MYO1D: variants seen among roughly 807,000 people sequenced by gnomAD.
The protein encoded by MYO1D is myosin ID.
A neutral mutation model predicts 122.0 loss-of-function variants in MYO1D; 83 were observed. That is an observed-to-expected ratio of 0.68 (90% CI 0.57 to 0.82). The LOEUF is 0.82. MYO1D is among the 40% of genes least tolerant of loss of function. MYO1D has a pLI of 0.00. For synonymous variants in MYO1D, 464 were observed against 446.9 expected, an observed-to-expected ratio of 1.04 and a Z score of -0.48; for missense variants, 1,157 against 1,269.5, an observed-to-expected ratio of 0.91 and a Z score of 1.35.
chr17:32,785,976 A>C (rs543737031), intron 1 of MYO1D, among the ~76,000 whole-genome samples: 1 of 152,312 alleles, frequency 6.6e-6, no homozygotes, highest in Admixed American at 6.5e-5. Flanking sequence ...AAAACTAGCC[A>C]CAACTCTGAA....
At chr17:32,537,257 A>C (rs550528872) in intron 21 of MYO1D, among the ~76,000 whole-genome samples, 5 of 152,314 alleles carry the variant, frequency 3.3e-5, no homozygotes, top group African/African-American at 1.2e-4. Flanking sequence ...TTATTCTTCT[A>C]TATCAGGGGC....
At chr17:32,833,772 C>A (rs559183274) in intron 1 of MYO1D, among the ~76,000 whole-genome samples, 1 of 152,276 alleles carries the variant, frequency 6.6e-6, no homozygotes, top group Admixed American at 6.5e-5. Flanking sequence ...CAGGTCTCTG[C>A]ATCTGCTGTT....
intron 1 of MYO1D, among the ~76,000 whole-genome samples, chr17:32,868,137 G>A (rs1262713919): frequency 6.6e-6 from 1 of 152,164 alleles, no homozygotes; most frequent in Non-Finnish European, 1.5e-5. Context: ...TGCATAGGGT[G>A]ATAGTTACAG....
chr17:32,806,195 T>C (rs2090510837), intron 1 of MYO1D, among the ~76,000 whole-genome samples: 1 of 151,930 alleles, frequency 6.6e-6, no homozygotes, highest in South Asian at 2.1e-4. Context: ...GAGGCGGAGG[T>C]TGCAGTGAGC....
At chr17:32,778,762 T>C (rs914067017) in intron 2 of MYO1D, among the ~76,000 whole-genome samples, 189 bp from the exon 3 acceptor site, 1 of 152,208 alleles carries the variant, frequency 6.6e-6, no homozygotes, top group Non-Finnish European at 1.5e-5. Flanking sequence ...CTAACAGACC[T>C]GAATATGATG....
chr17:32,587,741 A>G (rs560132268), intron 21 of MYO1D, among the ~76,000 whole-genome samples: 11 of 152,184 alleles, frequency 7.2e-5, no homozygotes, highest in African/African-American at 2.6e-4. Flanking sequence ...TTGGTCCCCT[A>G]GTCTTCCCCT....
intron 1 of MYO1D, among the ~76,000 whole-genome samples, chr17:32,861,047 T>C (rs547438414): frequency 6.6e-6 from 1 of 151,924 alleles, no homozygotes; most frequent in Admixed American, 6.6e-5. Flanking sequence ...GGATCACGTC[T>C]GGGCTGTATT....
At chr17:32,754,318 A>G (rs889465537) in intron 11 of MYO1D, among the ~76,000 whole-genome samples, 1 of 152,230 alleles carries the variant, frequency 6.6e-6, no homozygotes, top group African/African-American at 2.4e-5. Flanking sequence ...CTGGAAGATG[A>G]GAAGCACTTA....
At chr17:32,705,267 CT>C (rs898019651) in intron 16 of MYO1D, among the ~76,000 whole-genome samples, 278 of 148,984 alleles carry the variant, frequency 1.9e-3, no homozygotes, top group African/African-American at 6.5e-3. Context: ...ATCTGTAATT[CT>C]TTTTTTTTTG....
At chr17:32,631,558 G>A (rs1265785731) in intron 20 of MYO1D, among the ~76,000 whole-genome samples, 3 of 151,984 alleles carry the variant, frequency 2.0e-5, no homozygotes, top group African/African-American at 7.3e-5. Context: ...GAGGAGACAG[G>A]AATGCTTGAT....
At chr17:32,565,421 C>G (rs150702547) in intron 21 of MYO1D, among the ~76,000 whole-genome samples, 239 of 152,336 alleles carry the variant, frequency 1.6e-3, no homozygotes, top group African/African-American at 5.2e-3. Flanking sequence ...CTCCATCCCC[C>G]TAAAACCTCA....
rs556050632 is a variant in MYO1D at position 32,854,656 on chromosome 17, C to A, written c.95+22122G>T. On this transcript the variant is annotated intron_variant, in intron 1 of 21. Transcript: ENST00000318217. ...ACACAGACCAACTGGGCCAGGTTAACACAGTAAAAACATTTATGGAAGTAA... is the reference window on the plus strand; with the variant it reads ...ACACAGACCAACTGGGCCAGGTTAAAACAGTAAAAACATTTATGGAAGTAA... 2.0e-5 allele frequency among the ~76,000 whole-genome samples: 3 copies of A among 152,296 alleles called. 1 individual carries two copies. The South Asian group carries it at 6.2e-4, about 32-fold the overall frequency.
At chr17:32,833,138 C>T (rs1021681757) in intron 1 of MYO1D, among the ~76,000 whole-genome samples, 6 of 152,150 alleles carry the variant, frequency 3.9e-5, no homozygotes, top group African/African-American at 9.7e-5. Flanking sequence ...CCACTTCAAA[C>T]GTAGCATGTT....
At chr17:32,844,349 ATG>A (rs957814383) in intron 1 of MYO1D, among the ~76,000 whole-genome samples, 12 of 146,674 alleles carry the variant, frequency 8.2e-5, no homozygotes, top group Admixed American at 6.9e-4. Context: ...TATATATTAT[ATG>A]TGTATATATA....
intron 1 of MYO1D, among the ~76,000 whole-genome samples, chr17:32,810,984 GA>G (rs1162413105): frequency 1.2e-4 from 19 of 152,214 alleles, no homozygotes; most frequent in African/African-American, 3.6e-4. Context: ...AACCTTGGCA[GA>G]CAGACAGCAA....
In MYO1D at chr17:32,841,347, TC is replaced by T. The variant is rs748588258; in HGVS notation, c.95+35430del. Among the ~76,000 whole-genome samples, 12 of 152,068 alleles carry T rather than the reference TC, an allele frequency of 7.9e-5. No individual in the cohort carries two copies. In the East Asian group the frequency reaches 9.7e-4, roughly 12 times the overall value. ...AGCCAGGCACGGTTGCATGCTGTAG[TC>T]CCAGCTACTCAGGAAGCTGAGGTGA... is the stretch of plus-strand genomic sequence containing the variant. On this transcript the variant is annotated intron_variant, in intron 1 of 21. Coordinates refer to ENST00000318217, the MANE Select transcript of MYO1D (RefSeq NM_015194.3).
At chr17:32,811,694 G>A (rs1398225502) in intron 1 of MYO1D, among the ~76,000 whole-genome samples, 3 of 130,742 alleles carry the variant, frequency 2.3e-5, no homozygotes, top group Admixed American at 1.9e-4. Flanking sequence ...CAAGCCATGT[G>A]TTCCAGAAAT....
At chr17:32,678,159 T>C (rs2088850264) in intron 16 of MYO1D, among the ~76,000 whole-genome samples, 2 of 152,170 alleles carry the variant, frequency 1.3e-5, no homozygotes, top group Admixed American at 1.3e-4. Flanking sequence ...CTCTTTGAAC[T>C]TTTCCTAGGG....
chr17:32,666,689 T>A (rs1228706875), intron 16 of MYO1D, among the ~76,000 whole-genome samples: 1 of 152,222 alleles, frequency 6.6e-6, no homozygotes, highest in Non-Finnish European at 1.5e-5. Flanking sequence ...CCTTTTTTTC[T>A]CCTAGTTCCC....
Sources: allele counts gnomAD v4.1 joint callset (sites outside exome capture counted in the v4.1 genomes callset), GRCh38; gene constraint gnomAD v4.1.1; transcripts MANE v1.5; gene names NCBI Gene and HGNC (gene_info 2026-07-23, HGNC 2026-07-21).